Variants in MIB2 observed in about 807,000 individuals in gnomAD.
MIB2 encodes the protein MIB E3 ubiquitin protein ligase 2.
A neutral mutation model predicts 96.6 loss-of-function variants in MIB2; 78 were observed. The ratio of observed to expected loss-of-function variants is 0.81; its 90% CI spans 0.67 to 0.97. The LOEUF (loss-of-function observed/expected upper bound fraction) is 0.97, where lower values mean the gene tolerates loss of function less well. Among genes scored for constraint, MIB2 ranks in the 50% least tolerant of loss-of-function variants. The probability of loss-of-function intolerance (pLI) is 0.00; values close to 1 mark genes in which losing one functional copy is unlikely to be tolerated. For missense variants in MIB2, 1,543 were observed against 1,424.0 expected, an observed-to-expected ratio of 1.08 and a Z score of -1.35; for synonymous variants, 820 against 629.5, an observed-to-expected ratio of 1.30 and a Z score of -4.53.
Position 1,630,370 on chromosome 1 carries a change from G to A in MIB2, c.2708G>A (p.Arg903Gln). ...QLVEELQSRY[R>Q]QMEERITCPI... ...GTGGAGGAGCTGCAGAGCCGCTACC[G>A]GCAGATGGAGGAACGCATCACCTGC... Residue 903 changes from arginine to glutamine, a missense_variant, in exon 20 of 20, where the codon CGG becomes CAG. Coordinates refer to ENST00000355826, the MANE Select transcript of MIB2 (RefSeq NM_001170687.4). 6.5e-7 allele frequency: 1 copy of A among 1,543,712 alleles called. No individual in the cohort carries two copies. The highest frequency in any genetic ancestry group is 8.7e-7 in the Non-Finnish European group (1 of 1,146,964).
chr1:1,622,867 C>T (rs565933999), intron 2 of MIB2, among the ~76,000 whole-genome samples: 3 of 152,138 alleles, frequency 2.0e-5, no homozygotes, highest in East Asian at 1.9e-4. Flanking sequence ...TCCCGCTGGC[C>T]GATGCCTGCT....
Position 1,629,626 on chromosome 1 carries a change from C to G in MIB2, c.2564-13C>G, listed in dbSNP as rs372458404. ...TAGTAGGGCCGCAGCCAACCGCGCT[C>G]TCCTCTTCGCAGAGTGCGCGCGCAG... is the stretch of plus-strand genomic sequence containing the variant. On this transcript the variant is annotated splice_polypyrimidine_tract_variant and intron_variant, in intron 18 of 19. Transcript: ENST00000355826. The G allele has an allele frequency of 1.1e-5, 18 of 1,579,548 alleles. No homozygotes were observed. The African/African-American group carries it at 2.3e-4, about 20-fold the overall frequency.
At chr1:1,621,251 G>C (rs1050854438) in intron 2 of MIB2, among the ~76,000 whole-genome samples, 2 of 152,242 alleles carry the variant, frequency 1.3e-5, no homozygotes, top group African/African-American at 4.8e-5. Context: ...TGGGTGGTGG[G>C]TGGGCTCCTG....
intron 1 of MIB2, chr1:1,615,896 G>C (rs1298465942): frequency 9.7e-7 from 1 of 1,035,868 alleles, no homozygotes; most frequent in African/African-American, 1.7e-5. Context: ...CAGCGGCGCT[G>C]GGGTCGGCGC....
intron 12 of MIB2, 110 bp from the exon 13 acceptor site, chr1:1,627,563 G>T (rs1644918434): frequency 6.8e-7 from 1 of 1,472,994 alleles, no homozygotes; most frequent in Admixed American, 2.5e-5. Context: ...CCTGGGAGGG[G>T]CCCGGCGGGG....
rs768273880 is a variant in MIB2 at position 1,628,145 on chromosome 1, C to T, written c.1807C>T (p.Leu603=). ...CGCCACCAACAGCCAGGGTTTCACCCTGCTGCACCATGCCTCCCTCAAGGG... is the reference window on the plus strand; with the variant it reads ...CGCCACCAACAGCCAGGGTTTCACCTTGCTGCACCATGCCTCCCTCAAGGG... The part of the protein sequence containing the change: ...VTATNSQGFT[L]LHHASLKGHA... The change falls in exon 14 of 20, where the codon CTG becomes TTG. Residue 603 remains leucine (L), a synonymous_variant. Transcript: ENST00000355826. The T allele has an allele frequency of 5.0e-6, 8 of 1,613,324 alleles. No individual in the cohort carries two copies. In the African/African-American group the frequency reaches 5.3e-5, roughly 11 times the overall value.
Position 1,627,089 on chromosome 1 carries a change from C to T in MIB2, c.1256C>T (p.Ala419Val). 1 of 1,600,206 alleles carries T rather than the reference C, an allele frequency of 6.2e-7. No individual in the cohort carries two copies. Among genetic ancestry groups the T allele is most frequent in the Non-Finnish European group, 8.5e-7 (1 of 1,173,868 alleles). Residue 419 changes from alanine (A) to valine (V), a missense_variant, in exon 11 of 20, where the codon GCC becomes GTC. Ala to Val is a moderately conservative substitution (Grantham distance 64, BLOSUM62 0). Coordinates refer to ENST00000355826, the MANE Select transcript of MIB2 (RefSeq NM_001170687.4). ...CTGCCCCCAGGCTCACTGAGCGTGGCCCTGGACAAGCTTCGGGCCCAGAAG... is the reference window on the plus strand; with the variant it reads ...CTGCCCCCAGGCTCACTGAGCGTGGTCCTGGACAAGCTTCGGGCCCAGAAG... ...ARENKSSLSV[A>V]LDKLRAQKSD...
intron 19 of MIB2, 32 bp downstream of exon 19, chr1:1,629,736 C>G (rs867723767): frequency 6.5e-7 from 1 of 1,549,414 alleles, no homozygotes; most frequent in Non-Finnish European, 8.7e-7. Context: ...CAACACGCCT[C>G]CTGCTCAGCT....
chr1:1,623,707 C>A lies in MIB2; in HGVS notation c.247+8C>A. 1 of 1,529,502 alleles carries A rather than the reference C, an allele frequency of 6.5e-7. No individual in the cohort carries two copies. The highest frequency in any genetic ancestry group is 2.0e-5 in the Admixed American group (1 of 49,854). 94.7% of individuals were successfully genotyped at this position (1,529,502 alleles called of 1,614,324 possible). ...ACGACAACGCCCAGATCGGTGCGCGCCAAGGGCAGGCGGGACGGGCAGGAC... is the reference window on the plus strand; with the variant it reads ...ACGACAACGCCCAGATCGGTGCGCGACAAGGGCAGGCGGGACGGGCAGGAC... On this transcript the variant is annotated splice_region_variant and intron_variant, in intron 3 of 19. Transcript: ENST00000355826.
In MIB2 at chr1:1,629,389, C is replaced by T. The variant is rs568026207; in HGVS notation, c.2386C>T (p.Arg796Trp). 7.9e-5 allele frequency: 114 copies of T among 1,443,090 alleles called. No individual in the cohort carries two copies. The African/African-American group carries it at 1.3e-3, about 17-fold the overall frequency. The allele number at this position is 1,443,090 out of a possible 1,614,324, so 89.4% of individuals were successfully genotyped here. A position where few individuals can be genotyped will look rare whatever the true frequency, so the allele number is the denominator to read the frequency against. Residue 796 changes from arginine (R) to tryptophan (W), a missense_variant, in exon 18 of 20, where the codon CGG (arginine) becomes TGG (tryptophan). Coordinates refer to ENST00000355826, the MANE Select transcript of MIB2 (RefSeq NM_001170687.4). Reference sequence around the variant, plus strand: ...AGCCGCCTCCTCCCCCTGCAGGGAGCGGCAGGCGGGCGGGGGCGCGGCCCC... The same window carrying T: ...AGCCGCCTCCTCCCCCTGCAGGGAGTGGCAGGCGGGCGGGGGCGCGGCCCC... The part of the protein sequence containing the change: ...LQGCAQRFRE[R>W]QAGGGAAPGP...
rs766783471 is a variant in MIB2, at chr1:1,627,286, C to T, written c.1375-10C>T. ...AGGGCCAGGGACTCACCTGCTGGCA[C>T]TCTTGGCAGGTGGACACCAAGAACC... On this transcript the variant is annotated splice_polypyrimidine_tract_variant and intron_variant, in intron 11 of 19. Transcript: ENST00000355826. 1.2e-6 allele frequency: 2 copies of T among 1,613,258 alleles called. No individual in the cohort carries two copies. Among genetic ancestry groups the T allele is most frequent in the African/African-American group, 2.7e-5 (2 of 75,072 alleles).
In MIB2 at chr1:1,630,591, A is replaced by G. The variant is rs566133553; in HGVS notation, c.*61A>G. ...TGCCCCCGCCCTGTGTTTTATAAAA[A>G]GAAAGATTCTCGGACGTTGCCTCTG... On this transcript the variant is annotated 3_prime_UTR_variant, in exon 20 of 20. Transcript: ENST00000355826. 5 of 1,346,530 alleles carry G rather than the reference A, an allele frequency of 3.7e-6. No individual in the cohort carries two copies. In the African/African-American group the frequency reaches 4.6e-5, roughly 12 times the overall value. 83.4% of individuals were successfully genotyped at this position (1,346,530 alleles called of 1,614,324 possible). A position where few individuals can be genotyped will look rare whatever the true frequency, so the allele number is the denominator to read the frequency against.
chr1:1,615,816 C>T, intron 1 of MIB2, 183 bp downstream of exon 1: 1 of 1,307,952 alleles, frequency 7.6e-7, no homozygotes, highest in Non-Finnish European at 9.7e-7. Flanking sequence ...GCCGCGGGGC[C>T]TCCTGGGAGT....
rs199626113 is a variant in MIB2, at chr1:1,627,791, C to G, written c.1642C>G (p.Arg548Gly). 3.0e-5 allele frequency: 48 copies of G among 1,598,492 alleles called. No individual in the cohort carries two copies. Among genetic ancestry groups the G allele is most frequent in the Non-Finnish European group, 2.5e-6 (3 of 1,179,362 alleles). Reference protein sequence around the residue: ...AVQRGFLEVVRALCERGCDVN... With the variant: ...AVQRGFLEVVGALCERGCDVN... ...GCAGAGGGGCTTCCTGGAGGTGGTG[C>G]GGGCCCTGTGTGAGCGCGGCTGTGA... is the stretch of plus-strand genomic sequence containing the variant. Residue 548 changes from arginine (R) to glycine (G), a missense_variant, in exon 13 of 20, where the codon CGG becomes GGG. Coordinates refer to ENST00000355826, the MANE Select transcript of MIB2 (RefSeq NM_001170687.4).
At chr1:1,624,583 T>C in intron 4 of MIB2, among the ~76,000 whole-genome samples, 1 of 152,170 alleles carries the variant, frequency 6.6e-6, no homozygotes. Context: ...GCAGGTTCGC[T>C]CCAGGCCCCT....
In MIB2 at chr1:1,623,602, C is replaced by T. The variant is rs1644459085; in HGVS notation, c.150C>T (p.Arg50=). 2.0e-6 allele frequency: 3 copies of T among 1,503,642 alleles called. No individual in the cohort carries two copies. The highest frequency in any genetic ancestry group is 1.8e-6 in the Non-Finnish European group (2 of 1,125,558). 93.1% of individuals were successfully genotyped at this position (1,503,642 alleles called of 1,614,324 possible). A position where few individuals can be genotyped will look rare whatever the true frequency, so the allele number is the denominator to read the frequency against. ...GRHGSPSTPD[R]TVVVQWDQGT... Reference sequence around the variant, plus strand: ...ACGGCAGCCCCTCGACACCCGACCGCACAGTGGTCGTGCAGTGGGACCAGG... The same window carrying T: ...ACGGCAGCCCCTCGACACCCGACCGTACAGTGGTCGTGCAGTGGGACCAGG... Residue 50 remains arginine (R), a synonymous_variant, in exon 3 of 20, where the codon CGC becomes CGT. Transcript: ENST00000355826.
chr1:1,628,100 G>T lies in MIB2; in HGVS notation c.1762G>T (p.Val588Leu). ...ASGIVEVLTE[V>L]PNIDVTATNS... ...CGGCATTGTCGAGGTCCTCACGGAG[G>T]TGCCAAACATCGATGTTACCGCCAC... Residue 588 changes from valine (V) to leucine (L), a missense_variant, in exon 14 of 20, where the codon GTG becomes TTG. Val to Leu is a conservative substitution (Grantham distance 32). Transcript: ENST00000355826. The T allele has an allele frequency of 1.2e-6, 2 of 1,613,344 alleles. No individual in the cohort carries two copies. Among genetic ancestry groups the T allele is most frequent in the Non-Finnish European group, 1.7e-6 (2 of 1,179,998 alleles).
chr1:1,618,458 C>T (rs1043533396), intron 2 of MIB2: 2 of 152,860 alleles, frequency 1.3e-5, no homozygotes, highest in African/African-American at 4.8e-5. Flanking sequence ...CACTCCTACC[C>T]CTAATCTGGT....
chr1:1,624,816 G>A lies in MIB2; in HGVS notation c.441G>A (p.Gln147=), dbSNP rs899574424. 2 of 1,613,020 alleles carry A rather than the reference G, an allele frequency of 1.2e-6. No individual in the cohort carries two copies. Among genetic ancestry groups the A allele is most frequent in the Admixed American group, 1.7e-5 (1 of 60,010 alleles). ...HSRPVTLSPR[Q]GLPRIPLRGI... is the part of the protein sequence containing the mutation. Reference sequence around the variant, plus strand: ...GCAGTGTCACACTGAGTCCCCGCCAGGGCCTCCCGAGGATCCCACTAAGGG... The same window carrying A: ...GCAGTGTCACACTGAGTCCCCGCCAAGGCCTCCCGAGGATCCCACTAAGGG... The change falls in exon 5 of 20, where the codon CAG becomes CAA. Residue 147 remains glutamine, a synonymous_variant. Coordinates refer to ENST00000355826, the MANE Select transcript of MIB2 (RefSeq NM_001170687.4).
Sources: allele counts gnomAD v4.1 joint callset (sites outside exome capture counted in the v4.1 genomes callset), GRCh38; gene constraint gnomAD v4.1.1; transcripts MANE v1.5; gene names NCBI Gene and HGNC (gene_info 2026-07-23, HGNC 2026-07-21).